The following UMAD1 variants were observed in gnomAD, a reference collection of about 807,000 sequenced individuals.
UMAD1 encodes the protein UBAP1-MVB12-associated (UMA)-domain containing protein 1.
In UMAD1, 8 loss-of-function variants were observed where a neutral mutation model predicts 6.1. The ratio of observed to expected loss-of-function variants is 1.30; its 90% CI spans 0.76 to 2.35. The LOEUF is 2.35. Ranked by LOEUF, UMAD1 falls within the 30% of genes most tolerant of loss-of-function variation. UMAD1 has a pLI of 0.00. For missense variants in UMAD1, 130 were observed against 78.4 expected (o/e 1.66, Z -2.49); for synonymous variants, 56 against 31.4 (o/e 1.78, Z -2.61).
intron 1 of UMAD1, among the ~76,000 whole-genome samples, chr7:7,655,551 G>A (rs1329915210): frequency 6.6e-6 from 1 of 152,098 alleles, no homozygotes; most frequent in Non-Finnish European, 1.5e-5. Flanking sequence ...AACTTCCTAA[G>A]TATTTTAGCT....
chr7:7,861,055 T>G (rs6951789), intron 3 of UMAD1, among the ~76,000 whole-genome samples: 104,623 of 151,728 alleles, frequency 0.69, 36,941 homozygotes, highest in Middle Eastern at 0.76. Context: ...TAGGCAAATA[T>G]ATAGAGACAA....
chr7:7,783,286 A>C (rs1303902288), intron 2 of UMAD1, among the ~76,000 whole-genome samples: 1 of 152,216 alleles, frequency 6.6e-6, no homozygotes, highest in Non-Finnish European at 1.5e-5. Context: ...TGGTTATTAA[A>C]ATACATTTTT....
intron 2 of UMAD1, among the ~76,000 whole-genome samples, chr7:7,697,342 A>G (rs1335505235): frequency 6.6e-6 from 1 of 152,228 alleles, no homozygotes. Flanking sequence ...ATTCTGCCAG[A>G]CAAGTTGCAG....
chr7:7,844,166 C>G (rs1783739318), intron 3 of UMAD1, among the ~76,000 whole-genome samples: 1 of 152,186 alleles, frequency 6.6e-6, no homozygotes, highest in Middle Eastern at 3.2e-3. Flanking sequence ...TAACAAGAGG[C>G]TGGCACAGCA....
intron 2 of UMAD1, among the ~76,000 whole-genome samples, chr7:7,711,978 T>A (rs539842895): frequency 1.3e-5 from 2 of 152,154 alleles, no homozygotes; most frequent in Non-Finnish European, 2.9e-5. Flanking sequence ...AGGGATAACC[T>A]ATTTTCTTAG....
chr7:7,730,969 G>A (rs561573139), intron 2 of UMAD1, among the ~76,000 whole-genome samples: 1 of 152,250 alleles, frequency 6.6e-6, no homozygotes, highest in South Asian at 2.1e-4. Flanking sequence ...TCCTCCTGGG[G>A]GAAAGGAGTA....
chr7:7,775,132 T>A (rs143391819), intron 2 of UMAD1, among the ~76,000 whole-genome samples: 4 of 152,252 alleles, frequency 2.6e-5, no homozygotes, highest in Non-Finnish European at 4.4e-5. Context: ...TTCTTCACCA[T>A]TCATGCTTTC....
chr7:7,694,555 C>G (rs915317126), intron 2 of UMAD1, among the ~76,000 whole-genome samples: 7 of 151,786 alleles, frequency 4.6e-5, no homozygotes, highest in East Asian at 1.9e-4. Context: ...TTCCCAGACT[C>G]TGGTAACCAT....
chr7:7,678,778 TATATTTATATATTTAGTTTATAA>T (rs1361358527), intron 2 of UMAD1, among the ~76,000 whole-genome samples: 25 of 8,738 alleles, frequency 2.9e-3, no homozygotes, highest in African/African-American at 9.6e-3. Context: ...AGTTTATAAA[TATATTTATATATTTAGTTTATAA>T]ATATATTTAT....
At chr7:7,701,718 CCTAT>C (rs1267997380) in intron 2 of UMAD1, among the ~76,000 whole-genome samples, 1 of 152,116 alleles carries the variant, frequency 6.6e-6, no homozygotes, top group East Asian at 1.9e-4. Flanking sequence ...ATGTTTGCCT[CCTAT>C]CTGTTTATCA....
chr7:7,744,172 A>G (rs963417716), intron 2 of UMAD1, among the ~76,000 whole-genome samples: 3 of 152,274 alleles, frequency 2.0e-5, no homozygotes, highest in African/African-American at 7.2e-5. Context: ...TATAAATGAA[A>G]TTTTAAAATA....
At chr7:7,799,006 A>G (rs978813494) in intron 2 of UMAD1, among the ~76,000 whole-genome samples, 1 of 152,178 alleles carries the variant, frequency 6.6e-6, no homozygotes, top group African/African-American at 2.4e-5. Context: ...TTATCTATCC[A>G]AGATATAAAT....
At chr7:7,798,521 T>C (rs937465799) in intron 2 of UMAD1, among the ~76,000 whole-genome samples, 1 of 152,110 alleles carries the variant, frequency 6.6e-6, no homozygotes, top group African/African-American at 2.4e-5. Flanking sequence ...GATGTCACCA[T>C]TGAAAAGGGA....
At chr7:7,804,170 G>A (rs1782859295) in intron 3 of UMAD1, among the ~76,000 whole-genome samples, 1 of 152,184 alleles carries the variant, frequency 6.6e-6, no homozygotes, top group Non-Finnish European at 1.5e-5. Flanking sequence ...TGAGAGGACA[G>A]TGTTTGCTAT....
chr7:7,734,056 C>A (rs1256036310), intron 2 of UMAD1, among the ~76,000 whole-genome samples: 1 of 152,074 alleles, frequency 6.6e-6, no homozygotes, highest in Non-Finnish European at 1.5e-5. Context: ...GGTTATTCTC[C>A]CCCCCGCAAC....
At chr7:7,771,523 C>G (rs372713860) in intron 2 of UMAD1, among the ~76,000 whole-genome samples, 1 of 152,122 alleles carries the variant, frequency 6.6e-6, no homozygotes, top group Non-Finnish European at 1.5e-5. Context: ...AGTTTTGCCA[C>G]TGAAGTTGGG....
chr7:7,852,762 G>A (rs1033119044), intron 3 of UMAD1, among the ~76,000 whole-genome samples: 15 of 152,082 alleles, frequency 9.9e-5, no homozygotes, highest in Non-Finnish European at 1.8e-4. Flanking sequence ...GAAGCCCCCC[G>A]AACCCTGTCC....
At chr7:7,816,338 T>A (rs556395981) in intron 3 of UMAD1, among the ~76,000 whole-genome samples, 2 of 152,358 alleles carry the variant, frequency 1.3e-5, no homozygotes, top group South Asian at 4.1e-4. Flanking sequence ...CTCTTTTCCG[T>A]AGTGCCTTCT....
At chr7:7,674,491 C>T (rs755733064) in intron 2 of UMAD1, among the ~76,000 whole-genome samples, 1 of 152,164 alleles carries the variant, frequency 6.6e-6, no homozygotes, top group Non-Finnish European at 1.5e-5. Context: ...TTTTTGAGAA[C>T]CTGTCTTGTA....
Sources: allele counts gnomAD v4.1 joint callset (sites outside exome capture counted in the v4.1 genomes callset), GRCh38; gene constraint gnomAD v4.1.1; transcripts MANE v1.5; gene names NCBI Gene and HGNC (gene_info 2026-07-23, HGNC 2026-07-21).